Variants in CDH18 observed in about 807,000 individuals in gnomAD.
CDH18 encodes cadherin 18, also known as cadherin-18.
Under a neutral mutation model 67.9 loss-of-function variants are expected in CDH18, and 31 were observed. The ratio of observed to expected loss-of-function variants is 0.46; its 90% CI spans 0.34 to 0.62. The LOEUF is 0.62. Among genes scored for constraint, CDH18 ranks in the 20% least tolerant of loss-of-function variants. The probability of loss-of-function intolerance (pLI) is 0.01; values close to 1 mark genes in which losing one functional copy is unlikely to be tolerated. For synonymous variants in CDH18, 362 were observed against 347.2 expected, an observed-to-expected ratio of 1.04 and a Z score of -0.48; for missense variants, 890 against 975.5, an observed-to-expected ratio of 0.91 and a Z score of 1.17.
In CDH18 at chr5:19,811,161, G is replaced by GAAAGAAAGAAAGAAAGAAAGAAA. The variant is rs1491122708; in HGVS notation, c.228+27597_228+27598insTTTCTTTCTTTCTTTCTTTCTTT. 1.8e-4 allele frequency among the ~76,000 whole-genome samples: 5 copies of GAAAGAAAGAAAGAAAGAAAGAAA among 27,604 alleles called. 1 individual carries two copies. Among genetic ancestry groups the GAAAGAAAGAAAGAAAGAAAGAAA allele is most frequent in the Non-Finnish European group, 3.5e-4 (5 of 14,212 alleles). 18.1% of individuals were successfully genotyped at this position (27,604 alleles called of 152,430 possible). Reference sequence around the variant, plus strand: ...AAGAAAGAAAGAAAGAAAGAAAGAAGGAGAGAAAGAAAGAGAAGAAAGAGG... The same window carrying GAAAGAAAGAAAGAAAGAAAGAAA: ...AAGAAAGAAAGAAAGAAAGAAAGAAGAAAGAAAGAAAGAAAGAAAGAAAGAGAGAAAGAAAGAGAAGAAAGAGG... On this transcript the variant is annotated intron_variant, in intron 3 of 12. Coordinates refer to ENST00000382275, the MANE Select transcript of CDH18 (RefSeq NM_004934.5).
At chr5:20,088,681 T>C (rs560488585) in intron 2 of CDH18, among the ~76,000 whole-genome samples, 19 of 152,308 alleles carry the variant, frequency 1.2e-4, no homozygotes, top group African/African-American at 4.6e-4. Flanking sequence ...CCCTCTTCTG[T>C]AAATTAATCA....
chr5:20,445,625 A>G (rs1316293074), intron 1 of CDH18, among the ~76,000 whole-genome samples: 1 of 152,164 alleles, frequency 6.6e-6, no homozygotes, highest in African/African-American at 2.4e-5. Context: ...TTAGGAATGA[A>G]GGGTGGGGAA....
intron 9 of CDH18, among the ~76,000 whole-genome samples, chr5:19,521,705 A>G (rs1746924792): frequency 2.7e-5 from 4 of 147,774 alleles, no homozygotes; most frequent in Admixed American, 6.8e-5. Flanking sequence ...AAAAGTGTCA[A>G]GTAGCTCTAA....
intron 3 of CDH18, among the ~76,000 whole-genome samples, chr5:19,787,163 G>T (rs749674771): frequency 2.0e-5 from 3 of 152,132 alleles, no homozygotes; most frequent in Non-Finnish European, 4.4e-5. Context: ...GCCTTGGCCT[G>T]AACTCAGAGT....
At chr5:20,503,740 C>T (rs1198553802) in intron 1 of CDH18, among the ~76,000 whole-genome samples, 2 of 151,998 alleles carry the variant, frequency 1.3e-5, no homozygotes, top group South Asian at 2.1e-4. Flanking sequence ...TGTGCATAGG[C>T]AAGAGAAAGA....
At chr5:19,486,620 C>T (rs1368558472) in intron 11 of CDH18, among the ~76,000 whole-genome samples, 1 of 152,030 alleles carries the variant, frequency 6.6e-6, no homozygotes, top group East Asian at 1.9e-4. Flanking sequence ...GGTGAAACCC[C>T]GTCTCTACTA....
At chr5:19,647,439 A>G (rs1561536732) in intron 5 of CDH18, among the ~76,000 whole-genome samples, 1 of 145,896 alleles carries the variant, frequency 6.9e-6, no homozygotes, top group Non-Finnish European at 1.5e-5. Flanking sequence ...CTGAGGCAGG[A>G]GAATCACTTG....
intron 2 of CDH18, among the ~76,000 whole-genome samples, chr5:20,219,575 A>T (rs572076437): frequency 1.3e-5 from 2 of 151,988 alleles, no homozygotes; most frequent in South Asian, 4.1e-4. Context: ...CATTGACACA[A>T]AATACTCAAC....
chr5:19,565,991 G>T (rs865866610), intron 8 of CDH18, among the ~76,000 whole-genome samples: 1 of 151,524 alleles, frequency 6.6e-6, no homozygotes, highest in African/African-American at 2.4e-5. Context: ...ATTAATAACC[G>T]GAATATAATT....
At chr5:20,012,249 G>T (rs1737505389) in intron 2 of CDH18, among the ~76,000 whole-genome samples, 1 of 150,602 alleles carries the variant, frequency 6.6e-6, no homozygotes, top group Non-Finnish European at 1.5e-5. Flanking sequence ...ATTCTCTGTT[G>T]GTTGTATTTC....
chr5:20,476,248 A>C (rs1472028790), intron 1 of CDH18, among the ~76,000 whole-genome samples: 1 of 152,146 alleles, frequency 6.6e-6, no homozygotes, highest in Admixed American at 6.5e-5. Flanking sequence ...GCCAGTGACT[A>C]ATCTACAGTT....
At chr5:19,794,691 A>C (rs1796416063) in intron 3 of CDH18, among the ~76,000 whole-genome samples, 1 of 152,134 alleles carries the variant, frequency 6.6e-6, no homozygotes. Flanking sequence ...TATTTTTTAA[A>C]AGCCATGCAT....
intron 2 of CDH18, among the ~76,000 whole-genome samples, chr5:20,133,161 A>G (rs1445774764): frequency 6.6e-6 from 1 of 152,154 alleles, no homozygotes; most frequent in East Asian, 1.9e-4. Flanking sequence ...TCATTTTTGA[A>G]TGATGATTCC....
At chr5:19,689,547 A>G (rs1761570706) in intron 5 of CDH18, among the ~76,000 whole-genome samples, 1 of 151,948 alleles carries the variant, frequency 6.6e-6, no homozygotes, top group Non-Finnish European at 1.5e-5. Context: ...CTACACCTGG[A>G]AACAAAAGGC....
At chr5:20,053,479 A>T in intron 2 of CDH18, among the ~76,000 whole-genome samples, 1 of 151,958 alleles carries the variant, frequency 6.6e-6, no homozygotes, top group East Asian at 1.9e-4. Context: ...TCCCCATCTC[A>T]GCTTTCCCCT....
At chr5:20,092,274 C>A (rs576082470) in intron 2 of CDH18, among the ~76,000 whole-genome samples, 18 of 152,164 alleles carry the variant, frequency 1.2e-4, no homozygotes, top group African/African-American at 4.1e-4. Flanking sequence ...AAAGATTACC[C>A]TCCCTTTGAA....
chr5:19,766,952 G>A (rs1254185895), intron 3 of CDH18, among the ~76,000 whole-genome samples: 6 of 151,828 alleles, frequency 4.0e-5, no homozygotes, highest in Non-Finnish European at 7.4e-5. Flanking sequence ...ATTGAGGGGA[G>A]GAGCCAAATT....
chr5:19,521,828 TTA>T (rs1164297043), intron 9 of CDH18, among the ~76,000 whole-genome samples: 1 of 152,088 alleles, frequency 6.6e-6, no homozygotes, highest in African/African-American at 2.4e-5. Flanking sequence ...GATTTTTTAC[TTA>T]AAGTAACAGG....
intron 2 of CDH18, among the ~76,000 whole-genome samples, chr5:19,848,381 G>T (rs1303845241): frequency 1.3e-5 from 2 of 152,078 alleles, no homozygotes; most frequent in Admixed American, 6.6e-5. Flanking sequence ...TGATGAGAGG[G>T]TGCCACACTT....
Sources: gnomAD v4.1 joint callset for allele counts (sites outside exome capture counted in the v4.1 genomes callset) on GRCh38, gnomAD v4.1.1 for gene constraint, MANE v1.5 for transcripts, NCBI Gene and HGNC (gene_info 2026-07-23, HGNC 2026-07-21) for gene names.